The following KAZN variants were observed in gnomAD, a reference collection of about 807,000 sequenced individuals.
KAZN encodes the protein kazrin.
A neutral mutation model predicts 87.4 loss-of-function variants in KAZN; 40 were observed. The ratio of observed to expected loss-of-function variants is 0.46; its 90% CI spans 0.36 to 0.60. The LOEUF (loss-of-function observed/expected upper bound fraction) is 0.60, where lower values mean the gene tolerates loss of function less well. KAZN is among the 20% of genes least tolerant of loss of function. The probability of loss-of-function intolerance (pLI) is 0.00; values close to 1 mark genes in which losing one functional copy is unlikely to be tolerated. For synonymous variants in KAZN, 466 were observed against 458.3 expected (o/e 1.02, Z -0.22); for missense variants, 898 against 1,073.9 (o/e 0.84, Z 2.29).
chr1:15,096,210 T>C lies in KAZN; in HGVS notation c.1547+1277T>C, dbSNP rs1640799042. ...CACACCCAGCAGGGTCCATAAACAC[T>C]GCCTGTGTTCAATGAACAGGGTGGG... is the stretch of plus-strand genomic sequence containing the variant. On this transcript the variant is annotated intron_variant, in intron 10 of 14. Transcript: ENST00000376030. This position sits in a 1 kb window ranked among gnomAD's most constrained non-coding sequence, Gnocchi z 4.5. Among the ~76,000 whole-genome samples, 1 of 152,196 alleles carries C rather than the reference T, an allele frequency of 6.6e-6. No individual in the cohort carries two copies. Among genetic ancestry groups the C allele is most frequent in the Non-Finnish European group, 1.5e-5 (1 of 68,020 alleles).
At chr1:14,113,410 C>T (rs1003829800) in intron 1 of KAZN, among the ~76,000 whole-genome samples, 6 of 152,090 alleles carry the variant, frequency 3.9e-5, no homozygotes, top group African/African-American at 7.2e-5. Flanking sequence ...TTACATAGGT[C>T]GTGACAAGTA....
In KAZN at chr1:14,267,204, C is replaced by T. The variant is rs559210594; in HGVS notation, c.249+86612C>T. 3.3e-5 allele frequency among the ~76,000 whole-genome samples: 5 copies of T among 151,604 alleles called. No homozygotes were observed. In the South Asian group the frequency reaches 1.0e-3, roughly 32 times the overall value. ...TACAAATTTTAAAAATACAGTGTAA[C>T]AACTATTTACATAGAATTTACATTG... On this transcript the variant is annotated intron_variant, in intron 2 of 16. Transcript: ENST00000636203.
intron 1 of KAZN, among the ~76,000 whole-genome samples, chr1:14,700,420 G>T (rs377268077): frequency 6.6e-6 from 1 of 151,518 alleles, no homozygotes; most frequent in African/African-American, 2.4e-5. Flanking sequence ...GCAGTGAGCC[G>T]AGATCACGCC....
At chr1:14,972,220 ACC>A (rs1266168518) in intron 2 of KAZN, among the ~76,000 whole-genome samples, 36 of 152,174 alleles carry the variant, frequency 2.4e-4, no homozygotes, top group Non-Finnish European at 4.7e-4. Flanking sequence ...CTTCATGCCT[ACC>A]TGGCCATGAC....
chr1:14,399,611 C>T (rs1663211999), intron 2 of KAZN, among the ~76,000 whole-genome samples: 1 of 152,078 alleles, frequency 6.6e-6, no homozygotes, highest in Non-Finnish European at 1.5e-5. Flanking sequence ...AGTCACGTAA[C>T]CATCTCAAAA....
chr1:15,004,060 A>G (rs1162608369), intron 2 of KAZN, among the ~76,000 whole-genome samples: 1 of 152,214 alleles, frequency 6.6e-6, no homozygotes, highest in Admixed American at 6.5e-5. Flanking sequence ...GGTGCTGGGC[A>G]TACCTAGGTC....
chr1:13,959,252 C>T (rs1355528230), intron 1 of KAZN, among the ~76,000 whole-genome samples: 3 of 152,180 alleles, frequency 2.0e-5, no homozygotes, highest in African/African-American at 7.2e-5. Context: ...CTCACCAAAA[C>T]CAAATCTGCC....
rs539997456 is a variant in KAZN at position 14,710,561 on chromosome 1, G to A, written c.226+111338G>A. On this transcript the variant is annotated intron_variant, in intron 1 of 14. Coordinates refer to ENST00000376030, the MANE Select transcript of KAZN (RefSeq NM_201628.3). The stretch of plus-strand genomic sequence containing the variant: ...ACTATTCCTGCACACTCCACCCTGG[G>A]TCCCACCTCAGGGCCTTTGCACTAG... Among the ~76,000 whole-genome samples, 6 of 152,156 alleles carry A rather than the reference G, an allele frequency of 3.9e-5. No homozygotes were observed. In the East Asian group the frequency reaches 1.2e-3, roughly 29 times the overall value.
intron 14 of KAZN, 46 bp downstream of exon 14, chr1:15,112,587 A>AAGGTCTTTTTTTTCTTCTCCAAGCGGC: frequency 7.7e-7 from 1 of 1,293,606 alleles, no homozygotes; most frequent in Non-Finnish European, 1.1e-6. Context: ...AGACCCGGGA[A>AAGGTCTTTTTTTTCTTCTCCAAGCGGC]AGGTCTTTTT....
rs79750633 is a variant in KAZN, at chr1:14,084,222, G to A, written c.92-96213G>A. 7.3e-3 allele frequency among the ~76,000 whole-genome samples: 1,111 copies of A among 152,220 alleles called. 19 individuals are homozygous for A. The highest frequency in any genetic ancestry group is 0.026 in the African/African-American group (1,065 of 41,508). On this transcript the variant is annotated intron_variant, in intron 1 of 16. Coordinates refer to the KAZN transcript ENST00000636203. ...AAGAAGACCAGATATTAGAAAAGAT[G>A]GAATGTGGAAGTTGAGATGAACAGG...
intron 2 of KAZN, among the ~76,000 whole-genome samples, chr1:14,427,122 C>G (rs1665775879): frequency 6.6e-6 from 1 of 152,188 alleles, no homozygotes; most frequent in South Asian, 2.1e-4. Flanking sequence ...AGAACTGACC[C>G]AGTTTTCTAA....
intron 2 of KAZN, among the ~76,000 whole-genome samples, chr1:14,987,061 C>T (rs371699163): frequency 6.6e-6 from 1 of 152,182 alleles, no homozygotes; most frequent in East Asian, 1.9e-4. Context: ...TCTCCTCCAG[C>T]CCAGGCAGCG....
chr1:14,947,956 T>G (rs1662027589), intron 1 of KAZN, among the ~76,000 whole-genome samples: 1 of 152,182 alleles, frequency 6.6e-6, no homozygotes, highest in Non-Finnish European at 1.5e-5. Context: ...CATCCAGTGT[T>G]TCAGTCCAGA....
At chr1:14,130,446 CACTT>C (rs1417312394) in intron 1 of KAZN, among the ~76,000 whole-genome samples, 7 of 152,088 alleles carry the variant, frequency 4.6e-5, no homozygotes, top group Middle Eastern at 3.2e-3. Flanking sequence ...ATTCTGAGAC[CACTT>C]ACTTCCTGCT....
At chr1:14,900,753 CA>C (rs34012645) in intron 1 of KAZN, among the ~76,000 whole-genome samples, 74 of 131,954 alleles carry the variant, frequency 5.6e-4, no homozygotes, top group African/African-American at 1.2e-3. Context: ...GACTCCATCT[CA>C]AAAAAAAAAA....
intron 2 of KAZN, among the ~76,000 whole-genome samples, chr1:14,411,231 A>G (rs1356177036): frequency 1.3e-5 from 2 of 152,212 alleles, no homozygotes; most frequent in East Asian, 3.8e-4. Flanking sequence ...ATATCTTTAA[A>G]TTGCTTACAG....
intron 2 of KAZN, among the ~76,000 whole-genome samples, chr1:14,213,787 G>T (rs1001107909): frequency 2.6e-5 from 4 of 152,168 alleles, no homozygotes; most frequent in East Asian, 1.9e-4. Context: ...GAAGCAGGGG[G>T]TCTAGTTATG....
intron 2 of KAZN, among the ~76,000 whole-genome samples, chr1:14,448,360 G>T: frequency 6.6e-6 from 1 of 152,236 alleles, no homozygotes; most frequent in East Asian, 1.9e-4. Context: ...AAGGCCAAGA[G>T]GGAGAATGGG....
chr1:14,801,841 G>A (rs1304342721), intron 1 of KAZN, among the ~76,000 whole-genome samples: 3 of 147,252 alleles, frequency 2.0e-5, no homozygotes, highest in South Asian at 4.3e-4. Flanking sequence ...CCGCCATCAC[G>A]CCCAGCTAAT....
Sources: gnomAD v4.1 joint callset for allele counts (sites outside exome capture counted in the v4.1 genomes callset) on GRCh38, gnomAD v4.1.1 for gene constraint, Gnocchi (gnomAD v3.1) non-coding constraint, MANE v1.5 for transcripts, NCBI Gene and HGNC (gene_info 2026-07-23, HGNC 2026-07-21) for gene names.